Variants in USH2A observed in about 807,000 individuals in gnomAD.
The protein encoded by USH2A is Usher syndrome 2A (autosomal recessive, mild).
In USH2A, 443 loss-of-function variants were observed where a neutral mutation model predicts 538.9. That is an observed-to-expected ratio of 0.82 (90% CI 0.76 to 0.89). The LOEUF (loss-of-function observed/expected upper bound fraction) is 0.89, where lower values mean the gene tolerates loss of function less well. USH2A is among the 40% of genes least tolerant of loss of function. The pLI is 0.00. For synonymous variants in USH2A, 2,413 were observed against 2,273.5 expected, an observed-to-expected ratio of 1.06 and a Z score of -1.75; for missense variants, 6,633 against 6,324.8, an observed-to-expected ratio of 1.05 and a Z score of -1.65.
At chr1:215,839,385 G>C (rs1339172258) in intron 46 of USH2A, among the ~76,000 whole-genome samples, 2 of 152,040 alleles carry the variant, frequency 1.3e-5, no homozygotes, top group Non-Finnish European at 2.9e-5. Flanking sequence ...TAATCGTATT[G>C]ATTCCTCATA....
chr1:215,995,964 T>C (rs1057170357), intron 34 of USH2A, among the ~76,000 whole-genome samples: 1 of 152,078 alleles, frequency 6.6e-6, no homozygotes, highest in African/African-American at 2.4e-5. Context: ...CAGGCTGGAG[T>C]GCAGTGGCAG....
intron 48 of USH2A, 125 bp downstream of exon 48, chr1:215,816,871 TG>T: frequency 1.9e-6 from 2 of 1,045,430 alleles, no homozygotes; most frequent in Non-Finnish European, 2.9e-6. Flanking sequence ...TTCTTTTCCG[TG>T]GAGTCTTCTT....
At chr1:216,276,618 T>C (rs1009115314) in intron 11 of USH2A, among the ~76,000 whole-genome samples, 117 of 152,116 alleles carry the variant, frequency 7.7e-4, no homozygotes, top group Admixed American at 7.5e-3. Flanking sequence ...AAGACATACC[T>C]GAGACTGGGC....
chr1:216,202,224 T>C (rs2035016476), intron 16 of USH2A, among the ~76,000 whole-genome samples: 1 of 152,228 alleles, frequency 6.6e-6, no homozygotes, highest in Non-Finnish European at 1.5e-5. Flanking sequence ...GGAAGACTTA[T>C]AACCTGATGA....
chr1:216,069,588 T>C (rs1474604884), intron 30 of USH2A, among the ~76,000 whole-genome samples: 2 of 152,170 alleles, frequency 1.3e-5, no homozygotes, highest in Non-Finnish European at 2.9e-5. Flanking sequence ...TATGAGTATA[T>C]TTCATTATAA....
chr1:216,232,130 T>C lies in USH2A; in HGVS notation c.2816A>G (p.Tyr939Cys). 2 of 1,612,852 alleles carry C rather than the reference T, an allele frequency of 1.2e-6. No homozygotes were observed. The highest frequency in any genetic ancestry group is 1.7e-6 in the Non-Finnish European group (2 of 1,179,564). The change falls in exon 14 of 72, where the codon TAT becomes TGT. Residue 939 changes from tyrosine to cysteine, a missense_variant. Coordinates refer to ENST00000307340, the MANE Select transcript of USH2A (RefSeq NM_206933.4). Reference protein sequence around the residue: ...RRCNQCQPGFYISPGNATGCL... With the variant: ...RRCNQCQPGFCISPGNATGCL... ...GCCAGTGGCATTGCCTGGAGAAATA[T>C]AAAAACCTAGAAATAAAGAAATTAA... is the stretch of plus-strand genomic sequence containing the variant.
chr1:215,983,100 G>T (rs1230576235), intron 35 of USH2A, among the ~76,000 whole-genome samples: 4 of 152,070 alleles, frequency 2.6e-5, no homozygotes, highest in African/African-American at 9.7e-5. Flanking sequence ...ACAGGCACCT[G>T]CCACCATGCC....
chr1:215,746,385 A>G (rs1481529472), intron 58 of USH2A, among the ~76,000 whole-genome samples: 1 of 152,196 alleles, frequency 6.6e-6, no homozygotes, highest in Non-Finnish European at 1.5e-5. Context: ...ATAATTGTAA[A>G]GTAAAGATTC....
chr1:216,268,274 T>C (rs1386998716), intron 11 of USH2A, among the ~76,000 whole-genome samples: 1 of 152,086 alleles, frequency 6.6e-6, no homozygotes, highest in African/African-American at 2.4e-5. Flanking sequence ...TAGGATTATG[T>C]GCCACAATTA....
intron 71 of USH2A, among the ~76,000 whole-genome samples, chr1:215,627,397 C>CTTCT (rs1398127009): frequency 3.1e-5 from 2 of 64,990 alleles, no homozygotes; most frequent in Non-Finnish European, 6.5e-5. Context: ...TCCTTCCTTC[C>CTTCT]TTCCTTCCTT....
intron 40 of USH2A, among the ~76,000 whole-genome samples, chr1:215,895,709 G>A (rs1665320035): frequency 3.9e-5 from 6 of 152,148 alleles, no homozygotes; most frequent in Admixed American, 2.0e-4. Flanking sequence ...ATAACAAGAT[G>A]TAATGCAATG....
Position 216,232,085 on chromosome 1 carries a change from T to C in USH2A, c.2861A>G (p.His954Arg), listed in dbSNP as rs370179924. The stretch of plus-strand genomic sequence containing the variant: ...GATGTGATTAACTGCACCAGTTGTA[T>C]GGCATGAGCATGGCAGGCAGCCAGT... ...NATGCLPCSCHTTGAVNHICN... is the reference protein window; with the variant it reads ...NATGCLPCSCRTTGAVNHICN... The change falls in exon 14 of 72, where the codon CAT becomes CGT. Residue 954 changes from histidine to arginine, a missense_variant. His to Arg is a conservative substitution (Grantham distance 29, BLOSUM62 0). Coordinates refer to ENST00000307340, the MANE Select transcript of USH2A (RefSeq NM_206933.4). 2.5e-5 allele frequency: 40 copies of C among 1,613,898 alleles called. No individual in the cohort carries two copies. The highest frequency in any genetic ancestry group is 3.4e-5 in the Non-Finnish European group (40 of 1,179,928).
At chr1:216,175,157 G>A (rs1339603360) in intron 21 of USH2A, 95 bp downstream of exon 21, 1 of 1,566,084 alleles carries the variant, frequency 6.4e-7, no homozygotes, top group East Asian at 2.4e-5. Context: ...TCTCTAAGTA[G>A]GTATAATAAA....
intron 61 of USH2A, among the ~76,000 whole-genome samples, chr1:215,727,206 CACAT>C (rs1272823920): frequency 2.6e-5 from 4 of 151,962 alleles, no homozygotes; most frequent in Non-Finnish European, 5.9e-5. Flanking sequence ...TATATACACA[CACAT>C]ACATACACAC....
At chr1:215,651,236 T>G (rs915125158) in intron 64 of USH2A, among the ~76,000 whole-genome samples, 2 of 152,230 alleles carry the variant, frequency 1.3e-5, no homozygotes, top group African/African-American at 4.8e-5. Flanking sequence ...AAGGAGGGAA[T>G]AAACATATGG....
chr1:216,296,118 A>G (rs1347384156), intron 9 of USH2A, among the ~76,000 whole-genome samples: 2 of 152,048 alleles, frequency 1.3e-5, no homozygotes, highest in Non-Finnish European at 2.9e-5. Flanking sequence ...TTTTCTACTT[A>G]GCTGGGGAGA....
intron 20 of USH2A, among the ~76,000 whole-genome samples, chr1:216,177,914 A>G (rs1253862149): frequency 6.6e-6 from 1 of 152,158 alleles, no homozygotes; most frequent in East Asian, 1.9e-4. Flanking sequence ...CCTATTTATT[A>G]AGGGCCCAAA....
chr1:216,355,289 G>A (rs1188991787), intron 4 of USH2A, among the ~76,000 whole-genome samples: 4 of 124,512 alleles, frequency 3.2e-5, no homozygotes, highest in African/African-American at 6.7e-5. Context: ...GGTTGACAGA[G>A]TGAAAGACTC....
At chr1:216,035,566 T>C (rs2029895595) in intron 32 of USH2A, among the ~76,000 whole-genome samples, 1 of 152,146 alleles carries the variant, frequency 6.6e-6, no homozygotes, top group African/African-American at 2.4e-5. Flanking sequence ...TGTTACTTTG[T>C]TACAATAGTC....
Sources: allele counts gnomAD v4.1 joint callset (sites outside exome capture counted in the v4.1 genomes callset), GRCh38; gene constraint gnomAD v4.1.1; transcripts MANE v1.5; gene names NCBI Gene and HGNC (gene_info 2026-07-23, HGNC 2026-07-21).